ELAPOR2: variants seen among roughly 807,000 people sequenced by gnomAD.
The protein encoded by ELAPOR2 is endosome/lysosome-associated apoptosis and autophagy regulator family member 2.
Under a neutral mutation model 120.7 loss-of-function variants are expected in ELAPOR2, and 89 were observed. The ratio of observed to expected loss-of-function variants is 0.74; its 90% CI spans 0.62 to 0.88. The LOEUF (loss-of-function observed/expected upper bound fraction) is 0.88, where lower values mean the gene tolerates loss of function less well. Ranked by LOEUF, ELAPOR2 falls within the 40% of genes least tolerant of loss-of-function variation. The pLI, the probability that ELAPOR2 is intolerant of heterozygous loss-of-function variation, is 0.00. For missense variants in ELAPOR2, 1,134 were observed against 1,251.6 expected (o/e 0.91, Z 1.42); for synonymous variants, 444 against 444.9 (o/e 1.00, Z 0.03).
intron 5 of ELAPOR2, 115 bp from the exon 6 acceptor site, chr7:86,940,230 C>A: frequency 1.9e-6 from 1 of 520,118 alleles, no homozygotes; most frequent in Non-Finnish European, 3.3e-6. Context: ...TTAAAACCCA[C>A]AGATTTAAGT....
chr7:86,997,511 T>C (rs527509612), intron 1 of ELAPOR2, among the ~76,000 whole-genome samples: 4 of 152,300 alleles, frequency 2.6e-5, no homozygotes, highest in African/African-American at 9.6e-5. Context: ...GCATTACTTA[T>C]CCACCAATTT....
At chr7:86,975,630 G>C (rs774802344) in intron 1 of ELAPOR2, among the ~76,000 whole-genome samples, 1 of 152,144 alleles carries the variant, frequency 6.6e-6, no homozygotes, top group Non-Finnish European at 1.5e-5. Context: ...TTGCAGTTCT[G>C]AGTGGGCCAA....
At chr7:86,946,184 C>CACAA (rs1428100960) in intron 3 of ELAPOR2, among the ~76,000 whole-genome samples, 2 of 151,988 alleles carry the variant, frequency 1.3e-5, no homozygotes, top group African/African-American at 4.8e-5. Flanking sequence ...CACACACACA[C>CACAA]ACACACGTGT....
intron 21 of ELAPOR2, among the ~76,000 whole-genome samples, chr7:86,884,264 G>A (rs1031780223): frequency 6.6e-6 from 1 of 152,088 alleles, no homozygotes. Flanking sequence ...CTGGGAAATG[G>A]GTTAAAGAAT....
At chr7:86,895,044 C>T (rs1177788717) in intron 19 of ELAPOR2, among the ~76,000 whole-genome samples, 18 of 151,900 alleles carry the variant, frequency 1.2e-4, no homozygotes, top group South Asian at 4.1e-4. Flanking sequence ...GAAAAGTGCA[C>T]GCTCAATCAA....
intron 2 of ELAPOR2, among the ~76,000 whole-genome samples, chr7:86,949,424 C>A (rs1791141001): frequency 6.6e-6 from 1 of 152,162 alleles, no homozygotes; most frequent in Non-Finnish European, 1.5e-5. Context: ...GAAGTGCGGA[C>A]CAGGCAGCAC....
At chr7:86,892,595 A>C (rs879521301) in intron 20 of ELAPOR2, among the ~76,000 whole-genome samples, 4 of 152,106 alleles carry the variant, frequency 2.6e-5, no homozygotes, top group Non-Finnish European at 5.9e-5. Context: ...ATCATTTTTA[A>C]AAAAGGCAGA....
intron 2 of ELAPOR2, among the ~76,000 whole-genome samples, chr7:86,959,603 T>C (rs1348600342): frequency 6.6e-6 from 1 of 152,250 alleles, no homozygotes; most frequent in Non-Finnish European, 1.5e-5. Flanking sequence ...TCTTTCATCC[T>C]AATTATGTGG....
At chr7:86,967,536 G>T (rs1056546418) in intron 1 of ELAPOR2, among the ~76,000 whole-genome samples, 1 of 152,062 alleles carries the variant, frequency 6.6e-6, no homozygotes, top group African/African-American at 2.4e-5. Flanking sequence ...TAAAATTTAG[G>T]TGATTTCTTA....
chr7:87,039,784 G>C (rs886595758), intron 1 of ELAPOR2, among the ~76,000 whole-genome samples: 2 of 152,190 alleles, frequency 1.3e-5, no homozygotes, highest in African/African-American at 4.8e-5. Flanking sequence ...GGCCGAATAG[G>C]AACAGCTCTG....
chr7:86,990,160 C>T (rs1217179851), intron 1 of ELAPOR2, among the ~76,000 whole-genome samples: 1 of 152,140 alleles, frequency 6.6e-6, no homozygotes, highest in African/African-American at 2.4e-5. Context: ...CATTCTCCTG[C>T]CTCAGCCTCC....
At chr7:86,924,897 C>G (rs899993940) in intron 10 of ELAPOR2, among the ~76,000 whole-genome samples, 1 of 152,022 alleles carries the variant, frequency 6.6e-6, no homozygotes, top group African/African-American at 2.4e-5. Context: ...GTGTAAAGGT[C>G]TGGTATATAC....
chr7:86,942,482 A>G (rs916341789), intron 4 of ELAPOR2, among the ~76,000 whole-genome samples: 1 of 152,120 alleles, frequency 6.6e-6, no homozygotes, highest in Non-Finnish European at 1.5e-5. Flanking sequence ...CAGGCCCAAT[A>G]GTATAAAAAT....
chr7:86,891,914 CAAAT>C (rs777185008), intron 20 of ELAPOR2, 25 bp from the exon 21 acceptor site: 5 of 1,384,798 alleles, frequency 3.6e-6, no homozygotes, highest in South Asian at 2.6e-5. Flanking sequence ...AATAAATAAA[CAAAT>C]AAGTATCCAT....
chr7:86,946,413 T>G (rs1791010361), intron 3 of ELAPOR2, among the ~76,000 whole-genome samples: 1 of 151,776 alleles, frequency 6.6e-6, no homozygotes, highest in South Asian at 2.1e-4. Context: ...GTGGACGGAG[T>G]TTTGCTCTTG....
chr7:86,885,522 C>T (rs1799647321), intron 21 of ELAPOR2, among the ~76,000 whole-genome samples: 1 of 152,126 alleles, frequency 6.6e-6, no homozygotes, highest in African/African-American at 2.4e-5. Flanking sequence ...ACTACCCCAA[C>T]TTCAGCTGCT....
At chr7:86,911,630 C>G (rs529498265) in intron 15 of ELAPOR2, 2 of 456,856 alleles carry the variant, frequency 4.4e-6, no homozygotes, top group Admixed American at 2.4e-5. Context: ...ACCTTATCAA[C>G]TGATATTTGG....
chr7:86,923,758 T>C (rs574314043), intron 10 of ELAPOR2, among the ~76,000 whole-genome samples: 2 of 152,220 alleles, frequency 1.3e-5, no homozygotes, highest in South Asian at 4.1e-4. Context: ...TTGTAAACAT[T>C]ATCCTATTTT....
intron 1 of ELAPOR2, among the ~76,000 whole-genome samples, chr7:86,989,794 ATTTTTATAT>A (rs1792882288): frequency 6.6e-6 from 1 of 151,776 alleles, no homozygotes; most frequent in Non-Finnish European, 1.5e-5. Flanking sequence ...AAATTTTTTT[ATTTTTATAT>A]TTTTTATATT....
Sources: gnomAD v4.1 joint callset for allele counts (sites outside exome capture counted in the v4.1 genomes callset) on GRCh38, gnomAD v4.1.1 for gene constraint, MANE v1.5 for transcripts, NCBI Gene and HGNC (gene_info 2026-07-23, HGNC 2026-07-21) for gene names.